CCDC171: variants seen among roughly 807,000 people sequenced by gnomAD.
CCDC171 encodes the protein coiled-coil domain-containing protein 171.
A neutral mutation model predicts 168.2 loss-of-function variants in CCDC171; 177 were observed. That is an observed-to-expected ratio of 1.05 (90% CI 0.93 to 1.19). The LOEUF is 1.19. Among genes scored for constraint, CCDC171 ranks in the 50% most tolerant of loss-of-function variants. The pLI is 0.00. For synonymous variants in CCDC171, 687 were observed against 540.8 expected (o/e 1.27, Z -3.75); for missense variants, 1,991 against 1,539.0 (o/e 1.29, Z -4.91).
At chr9:15,721,068 G>A (rs995352401) in intron 11 of CCDC171, among the ~76,000 whole-genome samples, 4 of 152,002 alleles carry the variant, frequency 2.6e-5, no homozygotes, top group African/African-American at 9.7e-5. Context: ...CATAATTTAT[G>A]GCCCAACTAA....
intron 10 of CCDC171, among the ~76,000 whole-genome samples, chr9:15,693,599 A>G (rs2050986263): frequency 6.6e-6 from 1 of 152,186 alleles, no homozygotes; most frequent in Non-Finnish European, 1.5e-5. Flanking sequence ...TGAATGTGAT[A>G]GAGAGTTGAT....
the CCDC171 span, among the ~76,000 whole-genome samples, chr9:16,073,852 C>T: frequency 2.0e-5 from 3 of 152,140 alleles, no homozygotes; most frequent in Non-Finnish European, 4.4e-5. Flanking sequence ...TTCTAATTAC[C>T]TGTCTGAGGT....
intron 2 of CCDC171, among the ~76,000 whole-genome samples, chr9:15,569,191 T>A (rs991266207): frequency 6.6e-6 from 1 of 152,220 alleles, no homozygotes; most frequent in African/African-American, 2.4e-5. Flanking sequence ...TCCGCCTATT[T>A]CCATGGATTT....
intron 3 of CCDC171, among the ~76,000 whole-genome samples, chr9:15,993,347 G>C (rs911373276): frequency 6.6e-6 from 1 of 152,146 alleles, no homozygotes; most frequent in African/African-American, 2.4e-5. Flanking sequence ...AATGGGGAAA[G>C]GATTCCCTAT....
At chr9:16,037,170 G>T (rs1334467824) in intron 8 of CCDC171, among the ~76,000 whole-genome samples, 8 of 152,174 alleles carry the variant, frequency 5.3e-5, no homozygotes, top group Non-Finnish European at 2.9e-5. Flanking sequence ...ACAGAGAAAT[G>T]ATGTGTTTGA....
At chr9:15,579,341 A>G (rs1189885321) in intron 4 of CCDC171, among the ~76,000 whole-genome samples, 1 of 152,242 alleles carries the variant, frequency 6.6e-6, no homozygotes, top group East Asian at 1.9e-4. Context: ...TGTCTTAAAC[A>G]TATACTCCAG....
intron 18 of CCDC171, among the ~76,000 whole-genome samples, chr9:15,773,894 C>A (rs962800885): frequency 6.6e-6 from 1 of 151,958 alleles, no homozygotes; most frequent in South Asian, 2.1e-4. Flanking sequence ...TCTATACATC[C>A]GACAAAGGAC....
chr9:15,967,615 G>A (rs1234072092), intron 25 of CCDC171, among the ~76,000 whole-genome samples: 1 of 152,124 alleles, frequency 6.6e-6, no homozygotes, highest in Admixed American at 6.6e-5. Context: ...GAATTTCAAA[G>A]CTGGAAAGAG....
intron 7 of CCDC171, among the ~76,000 whole-genome samples, chr9:15,650,754 ATATT>A (rs2047449453): frequency 6.6e-6 from 1 of 152,104 alleles, no homozygotes; most frequent in African/African-American, 2.4e-5. Context: ...AAATTTATAT[ATATT>A]TATGGGGTAC....
chr9:15,646,664 A>G (rs538825651), intron 7 of CCDC171, among the ~76,000 whole-genome samples: 9 of 152,358 alleles, frequency 5.9e-5, no homozygotes, highest in African/African-American at 1.4e-4. Flanking sequence ...AGGCTATTAC[A>G]TAATGGTAAA....
intron 18 of CCDC171, among the ~76,000 whole-genome samples, chr9:15,749,405 C>G (rs1182071636): frequency 6.8e-6 from 1 of 146,992 alleles, no homozygotes; most frequent in Non-Finnish European, 1.5e-5. Context: ...CAACATTAGA[C>G]AGATCAACGA....
At chr9:15,998,841 C>A (rs1832447521) in intron 3 of CCDC171, among the ~76,000 whole-genome samples, 1 of 152,146 alleles carries the variant, frequency 6.6e-6, no homozygotes, top group Admixed American at 6.5e-5. Context: ...AGGGACAGTT[C>A]TTGCCCCTAC....
chr9:15,602,822 T>G (rs912308394), intron 6 of CCDC171, among the ~76,000 whole-genome samples: 29 of 152,020 alleles, frequency 1.9e-4, no homozygotes, highest in Non-Finnish European at 2.6e-4. Flanking sequence ...CATGCCCAGC[T>G]AATTTTTGTA....
intron 18 of CCDC171, among the ~76,000 whole-genome samples, chr9:15,747,731 A>T (rs1480750680): frequency 6.6e-6 from 1 of 152,148 alleles, no homozygotes; most frequent in Non-Finnish European, 1.5e-5. Flanking sequence ...CCACACCAAA[A>T]CCTCATCTGT....
intron 21 of CCDC171, among the ~76,000 whole-genome samples, chr9:15,793,557 T>TTTTTTTGTTTG (rs1554817659): frequency 1.6e-3 from 72 of 43,868 alleles, no homozygotes; most frequent in African/African-American, 3.7e-3. Flanking sequence ...CAAGGTTTTT[T>TTTTTTTGTTTG]TTTTTTTTTT....
chr9:15,852,229 C>A (rs956860883), intron 23 of CCDC171, among the ~76,000 whole-genome samples: 1 of 151,770 alleles, frequency 6.6e-6, no homozygotes, highest in Non-Finnish European at 1.5e-5. Flanking sequence ...TTTTCCACAT[C>A]CTTGCTCACA....
At chr9:15,943,661 A>G (rs78851863) in intron 25 of CCDC171, among the ~76,000 whole-genome samples, 2 of 151,978 alleles carry the variant, frequency 1.3e-5, no homozygotes, top group Non-Finnish European at 2.9e-5. Flanking sequence ...TCAATAAATT[A>G]TCTTCCCTTT....
the CCDC171 span, among the ~76,000 whole-genome samples, chr9:16,099,574 C>A: frequency 6.6e-6 from 1 of 152,216 alleles, no homozygotes. Flanking sequence ...CTAGCGACTT[C>A]TGAAACAAGT....
intron 3 of CCDC171, among the ~76,000 whole-genome samples, chr9:16,001,810 T>C (rs1210715134): frequency 6.6e-6 from 1 of 151,844 alleles, no homozygotes; most frequent in East Asian, 1.9e-4. Flanking sequence ...AATAAATGAC[T>C]ATGTTACTGG....
Sources: allele counts gnomAD v4.1 joint callset (sites outside exome capture counted in the v4.1 genomes callset), GRCh38; gene constraint gnomAD v4.1.1; transcripts MANE v1.5; gene names NCBI Gene and HGNC (gene_info 2026-07-23, HGNC 2026-07-21).